The following TTBK2 variants were observed in gnomAD, a reference collection of about 807,000 sequenced individuals.
The protein encoded by TTBK2 is tau tubulin kinase 2.
TTBK2 carries 28 observed loss-of-function variants against 110.8 expected under a neutral mutation model. The ratio of observed to expected loss-of-function variants is 0.25; its 90% CI spans 0.19 to 0.35. The LOEUF is 0.35. Among genes scored for constraint, TTBK2 ranks in the 10% least tolerant of loss-of-function variants. TTBK2 has a pLI of 1.00. For synonymous variants in TTBK2, 532 were observed against 527.3 expected (o/e 1.01, Z -0.12); for missense variants, 1,369 against 1,500.3 (o/e 0.91, Z 1.45).
chr15:42,865,100 A>C (rs1894313469), intron 3 of TTBK2, among the ~76,000 whole-genome samples: 1 of 152,160 alleles, frequency 6.6e-6, no homozygotes. Flanking sequence ...CTGTATTGCA[A>C]AATCTAGGGC....
chr15:42,843,674 G>T (rs1490498209), intron 3 of TTBK2, among the ~76,000 whole-genome samples: 1 of 148,470 alleles, frequency 6.7e-6, no homozygotes, highest in African/African-American at 2.5e-5. Context: ...CAGAAGAATC[G>T]CTTGAACCCG....
chr15:42,753,144 G>A lies in TTBK2; in HGVS notation c.2102C>T (p.Thr701Ile), dbSNP rs2061893727. The A allele has an allele frequency of 6.2e-7, 1 of 1,601,516 alleles. No individual in the cohort carries two copies. Among genetic ancestry groups the A allele is most frequent in the South Asian group, 1.1e-5 (1 of 88,322 alleles). ...TTCCCTTGGAGAGTAAAGTTCCACA[G>A]TGGGCTCCATGGGCTGAAGATCTTT... ...EKKDLQPMEP[T>I]VELYSPRENF... is the part of the protein sequence containing the mutation. The change falls in exon 14 of 15, where the codon ACT (threonine) becomes ATT (isoleucine). Residue 701 changes from threonine (T) to isoleucine (I), a missense_variant. This residue lies in a region of TTBK2 where 1,097 missense variants were observed against 1,114.7 expected (regional missense o/e 0.98). Transcript: ENST00000267890.
At chr15:42,905,614 G>T (rs992737414) in intron 1 of TTBK2, among the ~76,000 whole-genome samples, 1 of 152,012 alleles carries the variant, frequency 6.6e-6, no homozygotes, top group African/African-American at 2.4e-5. Flanking sequence ...GACCAAACAA[G>T]ACTTAATGAA....
At chr15:42,813,508 C>T (rs1168521714) in intron 7 of TTBK2, among the ~76,000 whole-genome samples, 1 of 151,412 alleles carries the variant, frequency 6.6e-6, no homozygotes, top group Non-Finnish European at 1.5e-5. Flanking sequence ...GGCAACAGAG[C>T]AAGACTCTCC....
chr15:42,912,512 C>T lies in TTBK2; in HGVS notation c.-68+7926G>A, dbSNP rs1030768722. Among the ~76,000 whole-genome samples the T allele has an allele frequency of 7.2e-5, 11 of 152,084 alleles. No homozygotes were observed. In the South Asian group the frequency reaches 2.3e-3, roughly 32 times the overall value. On this transcript the variant is annotated intron_variant, in intron 1 of 14. Transcript: ENST00000267890. The stretch of plus-strand genomic sequence containing the variant: ...TCACCTGAGGTCAGGAGTTCAAGAC[C>T]AGTCTGGCCAACATGATGAAACCCC...
chr15:42,880,412 A>C (rs1894994463), intron 1 of TTBK2, among the ~76,000 whole-genome samples: 1 of 152,152 alleles, frequency 6.6e-6, no homozygotes, highest in Non-Finnish European at 1.5e-5. Context: ...TTTGAAACAA[A>C]GTCTTGCTCT....
At chr15:42,846,260 T>C (rs1325236587) in intron 3 of TTBK2, among the ~76,000 whole-genome samples, 1 of 151,626 alleles carries the variant, frequency 6.6e-6, no homozygotes, top group Non-Finnish European at 1.5e-5. Context: ...ACTGATCTCA[T>C]CTCACTGTAA....
chr15:42,906,811 C>A (rs564939081), intron 1 of TTBK2, among the ~76,000 whole-genome samples: 8 of 151,852 alleles, frequency 5.3e-5, no homozygotes, highest in Non-Finnish European at 1.2e-4. Context: ...ACAAGGAGTG[C>A]AAACAACTCA....
chr15:42,810,623 T>C lies in TTBK2; in HGVS notation c.813A>G (p.Pro271=). ...HISSLDYFTK[P]DYQLLTSVFD... is the part of the protein sequence containing the mutation. ...TCACAAAGATGGTTACCTGGTAGTC[T>C]GGTTTTGTAAAATAATCCAAAGAAG... is the stretch of plus-strand genomic sequence containing the variant. The change falls in exon 9 of 15, where the codon CCA becomes CCG. Residue 271 remains proline (P), a synonymous_variant. Transcript: ENST00000267890. The C allele has an allele frequency of 6.2e-7, 1 of 1,613,950 alleles. No individual in the cohort carries two copies. The highest frequency in any genetic ancestry group is 8.5e-7 in the Non-Finnish European group (1 of 1,179,892).
intron 13 of TTBK2, among the ~76,000 whole-genome samples, chr15:42,759,757 C>G (rs2061998441): frequency 6.6e-6 from 1 of 152,134 alleles, no homozygotes; most frequent in African/African-American, 2.4e-5. Context: ...CCCCAAGACC[C>G]AAGTATTTCC....
chr15:42,766,445 G>GAAAAAAAA (rs1424460257), intron 13 of TTBK2, among the ~76,000 whole-genome samples: 1 of 15,152 alleles, frequency 6.6e-5, no homozygotes, highest in Admixed American at 5.4e-4. Context: ...CGAATGGAAA[G>GAAAAAAAA]CAAAAAAAAA....
At position 42,827,141 on chromosome 15, in the gene TTBK2, C is replaced by T. The variant is rs545478446; in HGVS notation, c.537+787G>A. 7.2e-5 allele frequency among the ~76,000 whole-genome samples: 11 copies of T among 152,258 alleles called. No individual in the cohort carries two copies. The South Asian group carries it at 2.3e-3, about 32-fold the overall frequency. On this transcript the variant is annotated intron_variant, in intron 6 of 14. Transcript: ENST00000267890. ...GAAGTGAGCCTTACTGGTACCACTA[C>T]CATCACAGTGTAATTGTGGTCATAC...
intron 9 of TTBK2, among the ~76,000 whole-genome samples, chr15:42,808,502 G>A (rs1200252810): frequency 2.6e-5 from 4 of 151,578 alleles, no homozygotes; most frequent in East Asian, 3.9e-4. Context: ...GTTGCTGGAG[G>A]AGGTTTATTG....
chr15:42,883,219 TAAAAATAC>T (rs1895114235), intron 1 of TTBK2, among the ~76,000 whole-genome samples: 1 of 151,732 alleles, frequency 6.6e-6, no homozygotes, highest in Non-Finnish European at 1.5e-5. Context: ...CCGTCTCTTC[TAAAAATAC>T]AAAATTAGCC....
chr15:42,893,485 C>G lies in TTBK2; in HGVS notation c.-67-14801G>C, dbSNP rs1050979109. ...CACTCCAGCCTAGGTGACAGAGATG[C>G]TGTCTCTTAAAATATATATATAATA... On this transcript the variant is annotated intron_variant, in intron 1 of 14. Transcript: ENST00000267890. 5.9e-5 allele frequency among the ~76,000 whole-genome samples: 9 copies of G among 151,738 alleles called. 1 individual carries two copies. Among genetic ancestry groups the G allele is most frequent in the Non-Finnish European group, 8.8e-5 (6 of 67,968 alleles).
At chr15:42,903,268 G>A (rs1473357220) in intron 1 of TTBK2, among the ~76,000 whole-genome samples, 1 of 152,134 alleles carries the variant, frequency 6.6e-6, no homozygotes, top group Non-Finnish European at 1.5e-5. Context: ...CAAGGGCCAT[G>A]GTGAGGAGGT....
At chr15:42,807,587 GTTT>G (rs995567619) in intron 9 of TTBK2, among the ~76,000 whole-genome samples, 4 of 102,634 alleles carry the variant, frequency 3.9e-5, no homozygotes, top group African/African-American at 3.6e-4. Flanking sequence ...TTTTTTTGTT[GTTT>G]TTTGTTGTTG....
rs2061739154 is a variant in TTBK2, at chr15:42,739,772, C to T, written c.*6023G>A. On this transcript the variant is annotated 3_prime_UTR_variant, in exon 15 of 15. Coordinates refer to ENST00000267890, the MANE Select transcript of TTBK2 (RefSeq NM_173500.4). ...AGGGCTTTCCCCTTCCTGGGTAGCT[C>T]CCTATAAGTCAAATTCAAGTTCTGG... The T allele has an allele frequency of 6.6e-6, 1 of 152,206 alleles. No homozygotes were observed. The highest frequency in any genetic ancestry group is 6.5e-5 in the Admixed American group (1 of 15,282). 9.4% of individuals were successfully genotyped at this position (152,206 alleles called of 1,614,324 possible).
intron 3 of TTBK2, among the ~76,000 whole-genome samples, chr15:42,853,830 G>A (rs771259976): frequency 1.3e-5 from 2 of 151,992 alleles, no homozygotes; most frequent in South Asian, 2.1e-4. Flanking sequence ...GCAGGGAGCC[G>A]AGATGGCACC....
Sources: allele counts gnomAD v4.1 joint callset (sites outside exome capture counted in the v4.1 genomes callset), GRCh38; gene constraint gnomAD v4.1.1; regional missense constraint gnomAD v4.1.1; transcripts MANE v1.5; gene names NCBI Gene and HGNC (gene_info 2026-07-23, HGNC 2026-07-21).